Variants in ZNF177 observed in about 807,000 individuals in gnomAD.
ZNF177 encodes the protein zinc finger protein 177.
A neutral mutation model predicts 19.4 loss-of-function variants in ZNF177; 17 were observed. The observed-to-expected ratio is 0.87, with a 90% CI of 0.60 to 1.31. ZNF177 has a LOEUF of 1.31. Among genes scored for constraint, ZNF177 ranks in the 40% most tolerant of loss-of-function variants. ZNF177 has a pLI of 0.00. For missense variants in ZNF177, 633 were observed against 561.8 expected, an observed-to-expected ratio of 1.13 and a Z score of -1.28; for synonymous variants, 220 against 188.7, an observed-to-expected ratio of 1.17 and a Z score of -1.36.
Position 9,380,724 on chromosome 19 carries a change from A to AG in ZNF177, c.393_394insG (p.Lys132GlufsTer18). 6.5e-7 allele frequency: 1 copy of AG among 1,535,956 alleles called. No homozygotes were observed. The highest frequency in any genetic ancestry group is 2.4e-5 in the East Asian group (1 of 40,906). ...AGTGTAACCATTGTGGGAAATTCAG[A>AG]AAGAACACTCGCTTTATTTGTACAA... On this transcript the variant is annotated frameshift_variant, in exon 6 of 6. Coordinates refer to ENST00000589262, the Ensembl canonical transcript of ZNF177. LOFTEE classifies it low-confidence loss of function (END_TRUNC).
intron 5 of ZNF177, 26 bp from the exon 8 acceptor site, chr19:9,380,642 G>A: frequency 6.5e-7 from 1 of 1,535,966 alleles, no homozygotes; most frequent in East Asian, 2.4e-5. Context: ...AAAGCCTCTA[G>A]TCACCACTTA....
exon 4 of ZNF177, chr19:9,379,558 C>T (rs771549930): frequency 6.8e-6 from 11 of 1,613,786 alleles, no homozygotes; most frequent in African/African-American, 1.3e-5. Context: ...GTCTGATCTC[C>T]AAGGTGGATC....
chr19:9,365,954 G>A (rs555787053), intron 2 of ZNF177, among the ~76,000 whole-genome samples: 2 of 152,270 alleles, frequency 1.3e-5, no homozygotes, highest in Admixed American at 6.5e-5. Flanking sequence ...CAAAGAGCAG[G>A]AGGATAGGGG....
upstream of ZNF177, among the ~76,000 whole-genome samples, chr19:9,374,504 A>G (rs912295246): frequency 3.3e-5 from 5 of 152,142 alleles, no homozygotes; most frequent in Admixed American, 6.5e-5. Flanking sequence ...GATTCTTCCA[A>G]TCCATGAACA....
At chr19:9,370,974 G>T (rs1441502220) in intron 2 of ZNF177, among the ~76,000 whole-genome samples, 1 of 152,154 alleles carries the variant, frequency 6.6e-6, no homozygotes, top group Non-Finnish European at 1.5e-5. Context: ...GCCTCATGTG[G>T]CTATTGAAGT....
intron 2 of ZNF177, among the ~76,000 whole-genome samples, chr19:9,368,739 T>A (rs1302700614): frequency 6.6e-6 from 1 of 152,186 alleles, no homozygotes; most frequent in Non-Finnish European, 1.5e-5. Flanking sequence ...TCAATTCTTT[T>A]ATAAAAGCAT....
At chr19:9,378,098 A>G (rs2068137671) in intron 1 of ZNF177, among the ~76,000 whole-genome samples, 161 bp from the exon 4 acceptor site, 1 of 152,276 alleles carries the variant, frequency 6.6e-6, no homozygotes, top group African/African-American at 2.4e-5. Flanking sequence ...TGCATACTAT[A>G]TTTCTAATTT....
intron 5 of ZNF177, among the ~76,000 whole-genome samples, chr19:9,380,418 CTCAG>C (rs1273183609): frequency 1.3e-5 from 2 of 152,160 alleles, no homozygotes; most frequent in East Asian, 3.8e-4. Flanking sequence ...TCATTCTTCA[CTCAG>C]TATTAGAAAA....
chr19:9,371,872 A>G (rs1326103586), upstream of ZNF177: 1 of 152,170 alleles, frequency 6.6e-6, no homozygotes, highest in Non-Finnish European at 1.5e-5. Context: ...TTTATTTTTC[A>G]TTTCTAAAAA....
chr19:9,364,596 A>G (rs146908071), intron 1 of ZNF177, among the ~76,000 whole-genome samples: 2,603 of 152,298 alleles, frequency 0.017, 76 homozygotes, highest in African/African-American at 0.058. Flanking sequence ...TGCCTGTCCA[A>G]TTAGCAGGTA....
intron 2 of ZNF177, 72 bp downstream of exon 4, chr19:9,378,416 C>T: frequency 6.3e-7 from 1 of 1,594,498 alleles, no homozygotes; most frequent in Admixed American, 1.7e-5. Flanking sequence ...TTGCCCCTGA[C>T]CTGAAGCTTC....
chr19:9,381,964 T>TTATA (rs1394773014), exon 6 of ZNF177: 4 of 858,836 alleles, frequency 4.7e-6, no homozygotes, highest in Non-Finnish European at 6.8e-6. Flanking sequence ...TATTTCATTC[T>TTATA]TATATGTGTC....
intron 3 of ZNF177, 145 bp from the exon 6 acceptor site, chr19:9,379,382 C>A: frequency 8.1e-7 from 1 of 1,236,002 alleles, no homozygotes; most frequent in Non-Finnish European, 1.1e-6. Flanking sequence ...AAAGAAAGAG[C>A]TCGGCTCTGA....
exon 5 of ZNF177, chr19:9,380,125 A>C (rs754649327): frequency 6.2e-7 from 1 of 1,610,672 alleles, no homozygotes; most frequent in Non-Finnish European, 8.5e-7. Context: ...AAAAACATCC[A>C]ATGGCATAAA....
At chr19:9,368,083 G>GT (rs544165617) in intron 2 of ZNF177, among the ~76,000 whole-genome samples, 2 of 152,144 alleles carry the variant, frequency 1.3e-5, no homozygotes, top group African/African-American at 4.8e-5. Context: ...TGAGCATGGT[G>GT]TTTTTTGGTG....
intron 2 of ZNF177, among the ~76,000 whole-genome samples, chr19:9,368,453 G>T (rs1197996377): frequency 6.6e-6 from 1 of 152,038 alleles, no homozygotes; most frequent in East Asian, 1.9e-4. Context: ...TTGTAGTTGT[G>T]TTTTTCTCCT....
intron 5 of ZNF177, 167 bp from the exon 8 acceptor site, chr19:9,380,501 C>A: frequency 1.5e-6 from 2 of 1,378,792 alleles, no homozygotes; most frequent in Non-Finnish European, 2.0e-6. Flanking sequence ...TTATTCAACT[C>A]GAAAAAGCTA....
At chr19:9,368,896 A>G (rs1304364644) in intron 2 of ZNF177, among the ~76,000 whole-genome samples, 2 of 152,132 alleles carry the variant, frequency 1.3e-5, no homozygotes, top group Non-Finnish European at 2.9e-5. Context: ...TCTCGTTATT[A>G]ACTTACAACT....
At chr19:9,382,187 T>G, downstream of ZNF177, 3 of 405,012 alleles carry the variant, frequency 7.4e-6, no homozygotes, top group Non-Finnish European at 1.3e-5. Context: ...ACCATTTAGT[T>G]CAAGCTGGCA....
Sources: gnomAD v4.1 joint callset for allele counts (sites outside exome capture counted in the v4.1 genomes callset) on GRCh38, gnomAD v4.1.1 for gene constraint, MANE v1.5 for transcripts, NCBI Gene and HGNC (gene_info 2026-07-23, HGNC 2026-07-21) for gene names.